GPHN: variants seen among roughly 807,000 people sequenced by gnomAD.
GPHN encodes the protein gephyrin.
Under a neutral mutation model 95.5 loss-of-function variants are expected in GPHN, and 17 were observed. That is an observed-to-expected ratio of 0.18 (90% CI 0.12 to 0.27). The LOEUF (loss-of-function observed/expected upper bound fraction) is 0.27. Ranked by LOEUF, GPHN falls within the 10% of genes least tolerant of loss-of-function variation. The pLI is 1.00. For synonymous variants in GPHN, 320 were observed against 322.5 expected (o/e 0.99, Z 0.08); for missense variants, 660 against 978.1 (o/e 0.67, Z 4.34).
the GPHN span, among the ~76,000 whole-genome samples, chr14:67,492,196 C>A: frequency 2.3e-3 from 351 of 152,300 alleles, 2 homozygotes; most frequent in African/African-American, 7.8e-3. Flanking sequence ...TCTGGTCCCA[C>A]GTCTATTTCC....
At chr14:67,061,988 G>A (rs768480134) in intron 11 of GPHN, among the ~76,000 whole-genome samples, 7 of 151,810 alleles carry the variant, frequency 4.6e-5, no homozygotes, top group East Asian at 1.9e-4. Flanking sequence ...CTCTTCATTC[G>A]TGTTCCCATA....
chr14:66,755,917 C>T (rs898890000), intron 2 of GPHN, among the ~76,000 whole-genome samples: 2 of 152,098 alleles, frequency 1.3e-5, no homozygotes, highest in African/African-American at 4.8e-5. Flanking sequence ...TACAACAATC[C>T]ACTTGTCCTG....
At chr14:66,684,398 T>G (rs2067200140) in intron 2 of GPHN, among the ~76,000 whole-genome samples, 1 of 152,160 alleles carries the variant, frequency 6.6e-6, no homozygotes, top group Admixed American at 6.5e-5. Flanking sequence ...AAAACTGTAA[T>G]GAGTTTTATT....
chr14:67,638,519 GTTC>G, the GPHN span, among the ~76,000 whole-genome samples: 10 of 152,196 alleles, frequency 6.6e-5, no homozygotes, highest in Non-Finnish European at 1.3e-4. Flanking sequence ...TGTCATAGGA[GTTC>G]TTCTTTGACG....
At chr14:67,076,566 T>G (rs1380324966) in intron 11 of GPHN, among the ~76,000 whole-genome samples, 2 of 152,208 alleles carry the variant, frequency 1.3e-5, no homozygotes, top group African/African-American at 4.8e-5. Context: ...ATGGTCATTT[T>G]AGCAGAGTAA....
the GPHN span, among the ~76,000 whole-genome samples, chr14:67,667,534 C>T: frequency 6.6e-6 from 1 of 152,204 alleles, no homozygotes; most frequent in South Asian, 2.1e-4. Flanking sequence ...ATACACATAA[C>T]ATTCACTTAG....
chr14:67,588,360 A>G, the GPHN span: 1 of 152,560 alleles, frequency 6.6e-6, no homozygotes, highest in Non-Finnish European at 1.5e-5. Context: ...AGTCAGAAAC[A>G]CAGAAGACTA....
the GPHN span, chr14:67,385,470 A>C: frequency 2.0e-5 from 3 of 151,442 alleles, no homozygotes; most frequent in African/African-American, 7.3e-5. Context: ...AAAATCTTGA[A>C]TCTCCCATCA....
At chr14:66,580,346 A>G (rs573511548) in intron 1 of GPHN, among the ~76,000 whole-genome samples, 1 of 151,888 alleles carries the variant, frequency 6.6e-6, no homozygotes, top group Non-Finnish European at 1.5e-5. Context: ...TGAATGAAAT[A>G]TTAAAAATCA....
chr14:67,622,451 G>A, the GPHN span, among the ~76,000 whole-genome samples: 5 of 152,092 alleles, frequency 3.3e-5, no homozygotes, highest in Non-Finnish European at 7.4e-5. Flanking sequence ...TTCAATATTC[G>A]AACCTTGTTT....
At chr14:66,708,621 TAA>T (rs1251495362) in intron 2 of GPHN, among the ~76,000 whole-genome samples, 2 of 152,154 alleles carry the variant, frequency 1.3e-5, no homozygotes, top group Non-Finnish European at 2.9e-5. Context: ...GGAAAGAATA[TAA>T]AAAGATTTCA....
At position 66,761,276 on chromosome 14, in the gene GPHN, A is replaced by G. The variant is rs183813089; in HGVS notation, c.144-15188A>G. ...AACTATAGAAGTGAATTGTGGATGT[A>G]AAATGGTTATGCCATTTGGATAATG... is the stretch of plus-strand genomic sequence containing the variant. On this transcript the variant is annotated intron_variant, in intron 2 of 22. Coordinates refer to ENST00000478722, the MANE Select transcript of GPHN (RefSeq NM_020806.5). Among the ~76,000 whole-genome samples the G allele has an allele frequency of 9.2e-5, 14 of 152,336 alleles. No homozygotes were observed. In the East Asian group the frequency reaches 2.7e-3, roughly 29 times the overall value.
chr14:67,254,199 T>TATA, the GPHN span: 221 of 145,804 alleles, frequency 1.5e-3, no homozygotes, highest in African/African-American at 5.7e-3. Context: ...TTTTTTTTTT[T>TATA]TTAGATTTTA....
At chr14:67,217,866 G>T in the GPHN span, among the ~76,000 whole-genome samples, 48 of 152,066 alleles carry the variant, frequency 3.2e-4, no homozygotes, top group Admixed American at 3.0e-3. Context: ...GTATCCTGTG[G>T]TCCTATGTTG....
At chr14:66,778,366 G>A (rs527902291) in intron 3 of GPHN, among the ~76,000 whole-genome samples, 17 of 152,190 alleles carry the variant, frequency 1.1e-4, no homozygotes, top group East Asian at 3.9e-4. Context: ...TTGAAAACAC[G>A]ATATGCCAAT....
intron 8 of GPHN, among the ~76,000 whole-genome samples, chr14:66,961,904 A>ATATATATATATGTG (rs1567155519): frequency 1.9e-4 from 11 of 56,784 alleles, no homozygotes; most frequent in African/African-American, 5.9e-4. Context: ...GAATGTGTAT[A>ATATATATATATGTG]TATATATATA....
intron 1 of GPHN, among the ~76,000 whole-genome samples, chr14:66,569,428 G>A (rs920713253): frequency 3.9e-5 from 6 of 151,968 alleles, no homozygotes; most frequent in South Asian, 2.1e-4. Context: ...TTTGGGAGGC[G>A]GAGGCAGGCA....
At chr14:67,692,175 T>C in the GPHN span, 2 of 410,524 alleles carry the variant, frequency 4.9e-6, no homozygotes, top group Non-Finnish European at 8.8e-6. Flanking sequence ...AAAAAGCCTG[T>C]ACTGAGTGCT....
At chr14:67,085,846 C>A (rs1249639396) in intron 11 of GPHN, among the ~76,000 whole-genome samples, 1 of 152,200 alleles carries the variant, frequency 6.6e-6, no homozygotes, top group Non-Finnish European at 1.5e-5. Context: ...ACTCTATACC[C>A]ATTAAACACT....
Sources: allele counts gnomAD v4.1 joint callset (sites outside exome capture counted in the v4.1 genomes callset), GRCh38; gene constraint gnomAD v4.1.1; transcripts MANE v1.5; gene names NCBI Gene and HGNC (gene_info 2026-07-23, HGNC 2026-07-21).